Variants in DCAF10 observed in about 807,000 individuals in gnomAD.
The protein encoded by DCAF10 is DDB1- and CUL4-associated factor 10.
A neutral mutation model predicts 51.9 loss-of-function variants in DCAF10; 19 were observed. The ratio of observed to expected loss-of-function variants is 0.37; its 90% confidence interval spans 0.26 to 0.54. The LOEUF (loss-of-function observed/expected upper bound fraction) is 0.54, where lower values mean the gene tolerates loss of function less well. DCAF10 is among the 20% of genes least tolerant of loss of function. The probability of loss-of-function intolerance (pLI) is 0.87; values close to 1 mark genes in which losing one functional copy is unlikely to be tolerated. For missense variants in DCAF10, 510 were observed against 730.6 expected (o/e 0.70, Z 3.48); for synonymous variants, 291 against 297.1 (o/e 0.98, Z 0.21).
At chr9:37,830,848 A>T in intron 2 of DCAF10, among the ~76,000 whole-genome samples, 1 of 152,360 alleles carries the variant, frequency 6.6e-6, no homozygotes, top group South Asian at 2.1e-4. Flanking sequence ...ATAGCAACTC[A>T]TGCCTACAAA....
intron 2 of DCAF10, among the ~76,000 whole-genome samples, chr9:37,838,408 C>T (rs1259548038): frequency 6.6e-6 from 1 of 151,032 alleles, no homozygotes; most frequent in East Asian, 1.9e-4. Context: ...TTTTGGAGAA[C>T]AATTTGGCTA....
intron 6 of DCAF10, chr9:37,860,426 C>T: frequency 2.4e-6 from 1 of 421,710 alleles, no homozygotes; most frequent in Non-Finnish European, 4.1e-6. Context: ...GTGGGAGGTA[C>T]TTTAAAGGCC....
At chr9:37,828,298 G>A (rs1161759944) in intron 2 of DCAF10, among the ~76,000 whole-genome samples, 1 of 151,740 alleles carries the variant, frequency 6.6e-6, no homozygotes, top group East Asian at 1.9e-4. Flanking sequence ...TTGGATTCAG[G>A]TTGGAAGCAC....
At chr9:37,802,034 T>G (rs1281042106) in intron 1 of DCAF10, among the ~76,000 whole-genome samples, 1 of 152,226 alleles carries the variant, frequency 6.6e-6, no homozygotes, top group Non-Finnish European at 1.5e-5. Context: ...CGTATCTATT[T>G]AAAACTTTGT....
intron 2 of DCAF10, among the ~76,000 whole-genome samples, chr9:37,833,331 G>C (rs1830059462): frequency 6.6e-6 from 1 of 152,158 alleles, no homozygotes; most frequent in Non-Finnish European, 1.5e-5. Flanking sequence ...TAAACCCATT[G>C]TCAGTTGAAA....
intron 1 of DCAF10, among the ~76,000 whole-genome samples, chr9:37,816,708 G>A (rs1035169389): frequency 3.4e-5 from 5 of 146,426 alleles, no homozygotes; most frequent in Non-Finnish European, 3.1e-5. Context: ...AAATTGATAT[G>A]TTGATTCTAA....
chr9:37,858,076 C>T (rs929514726), intron 5 of DCAF10, among the ~76,000 whole-genome samples: 4 of 151,938 alleles, frequency 2.6e-5, no homozygotes, highest in Non-Finnish European at 5.9e-5. Context: ...TGGAGATAGA[C>T]ATTTCTCTAC....
chr9:37,820,180 G>A (rs1380599203), intron 2 of DCAF10, among the ~76,000 whole-genome samples: 1 of 151,906 alleles, frequency 6.6e-6, no homozygotes, highest in Non-Finnish European at 1.5e-5. Flanking sequence ...AACATACTGG[G>A]TGTTTTGATG....
rs757976748 is a variant in DCAF10, at chr9:37,861,114, G to A, written c.1312-26G>A. On this transcript the variant is annotated intron_variant, in intron 6 of 6. Transcript: ENST00000377724. This position sits in a 1 kb window ranked among gnomAD's most constrained non-coding sequence, Gnocchi z 4.9. ...AGCACTATTTGGGCTCTGTAACCTT[G>A]GTTTGTCTCCCTTCTCTCCCCCTAG... is the stretch of plus-strand genomic sequence containing the variant. 113 of 1,580,790 alleles carry A rather than the reference G, an allele frequency of 7.1e-5. 3 individuals are homozygous for A. The Admixed American group carries it at 1.9e-3, about 27-fold the overall frequency.
At chr9:37,843,979 C>CA (rs1830405956) in intron 3 of DCAF10, among the ~76,000 whole-genome samples, 1 of 152,050 alleles carries the variant, frequency 6.6e-6, no homozygotes, top group South Asian at 2.1e-4. Context: ...AATTATACGT[C>CA]AAAGACAAAA....
chr9:37,826,021 C>T (rs777661453), intron 2 of DCAF10, among the ~76,000 whole-genome samples: 3 of 145,676 alleles, frequency 2.1e-5, no homozygotes, highest in African/African-American at 7.7e-5. Flanking sequence ...AGCGACAGAG[C>T]GAGACTCCAT....
In DCAF10 at chr9:37,810,929, C is replaced by G. The variant is rs114231928; in HGVS notation, c.540-8359C>G. Among the ~76,000 whole-genome samples the G allele has an allele frequency of 5.3e-3, 808 of 152,244 alleles. 6 individuals are homozygous for G. The highest frequency in any genetic ancestry group is 0.019 in the African/African-American group (769 of 41,542). ...CGACAGTACTCATGGGGACTAAAGGCCAGCTTCAAATAATCTCATTCCCTA... is the reference window on the plus strand; with the variant it reads ...CGACAGTACTCATGGGGACTAAAGGGCAGCTTCAAATAATCTCATTCCCTA... On this transcript the variant is annotated intron_variant, in intron 1 of 6. Coordinates refer to ENST00000377724, the MANE Select transcript of DCAF10 (RefSeq NM_024345.5).
At chr9:37,820,887 T>C (rs1023130468) in intron 2 of DCAF10, among the ~76,000 whole-genome samples, 1 of 152,132 alleles carries the variant, frequency 6.6e-6, no homozygotes, top group Non-Finnish European at 1.5e-5. Context: ...ACAAAGACTT[T>C]ATTTTAAAAA....
rs974846897 is a variant in DCAF10 at position 37,861,001 on chromosome 9, G to C, written c.1312-139G>C. ...GGCCTACAAGTTTTGTTAGTTGGGA[G>C]GGGGATAGCATTATTCTGAGTGATT... is the stretch of plus-strand genomic sequence containing the variant. On this transcript the variant is annotated intron_variant, in intron 6 of 6. Coordinates refer to ENST00000377724, the MANE Select transcript of DCAF10 (RefSeq NM_024345.5). The surrounding 1 kb of genome is among the most constrained non-coding windows in gnomAD (Gnocchi z 4.9). The C allele has an allele frequency of 1.7e-6, 2 of 1,197,444 alleles. No individual in the cohort carries two copies. Among genetic ancestry groups the C allele is most frequent in the Non-Finnish European group, 2.3e-6 (2 of 871,530 alleles). The allele number at this position is 1,197,444 out of a possible 1,614,324, so 74.2% of individuals were successfully genotyped here.
intron 2 of DCAF10, among the ~76,000 whole-genome samples, chr9:37,823,519 C>G (rs1355749392): frequency 1.3e-5 from 2 of 151,854 alleles, no homozygotes; most frequent in African/African-American, 4.9e-5. Flanking sequence ...TCCAGGGAAA[C>G]TGTTAATCCA....
At chr9:37,858,473 CTTAAT>C (rs778628469) in intron 5 of DCAF10, 13 of 152,216 alleles carry the variant, frequency 8.5e-5, no homozygotes, top group South Asian at 4.2e-4. Flanking sequence ...GAAAAAGAAA[CTTAAT>C]TTAAGAAGAA....
intron 2 of DCAF10, among the ~76,000 whole-genome samples, chr9:37,840,008 A>C (rs1053220622): frequency 2.0e-5 from 3 of 152,174 alleles, no homozygotes; most frequent in African/African-American, 7.2e-5. Context: ...TATAATATTA[A>C]GTATTATGAT....
intron 2 of DCAF10, among the ~76,000 whole-genome samples, chr9:37,831,710 T>G (rs1370855615): frequency 6.6e-6 from 1 of 152,246 alleles, no homozygotes; most frequent in African/African-American, 2.4e-5. Context: ...GTGGGAAAAG[T>G]CTGTAATTTA....
intron 1 of DCAF10, among the ~76,000 whole-genome samples, chr9:37,814,127 T>TATTTGTTGTTG (rs1554685262): frequency 9.9e-6 from 1 of 100,636 alleles, no homozygotes; most frequent in African/African-American, 4.1e-5. Flanking sequence ...TATATATATA[T>TATTTGTTGTTG]TTGTTGTTGT....
Sources: gnomAD v4.1 joint callset for allele counts (sites outside exome capture counted in the v4.1 genomes callset) on GRCh38, gnomAD v4.1.1 for gene constraint, Gnocchi (gnomAD v3.1) non-coding constraint, MANE v1.5 for transcripts, NCBI Gene and HGNC (gene_info 2026-07-23, HGNC 2026-07-21) for gene names.